PHC1: variants seen among roughly 807,000 people sequenced by gnomAD.
PHC1 encodes the protein polyhomeotic homolog 1, also known as polyhomeotic-like protein 1.
Under a neutral mutation model 104.3 loss-of-function variants are expected in PHC1, and 12 were observed. That is an observed-to-expected ratio of 0.12 (90% confidence interval 0.07 to 0.19). PHC1 has a LOEUF of 0.19. Ranked by LOEUF, PHC1 falls within the 10% of genes least tolerant of loss-of-function variation. The pLI, the probability that PHC1 is intolerant of heterozygous loss-of-function variation, is 1.00. For synonymous variants in PHC1, 302 were observed against 455.8 expected, an observed-to-expected ratio of 0.66 and a Z score of 4.30; for missense variants, 671 against 1,200.0, an observed-to-expected ratio of 0.56 and a Z score of 6.51.
intron 8 of PHC1, chr12:8,933,602 T>C (rs1945752260): frequency 1.6e-6 from 1 of 618,316 alleles, no homozygotes; most frequent in African/African-American, 1.8e-5. Context: ...ACCAAATCAG[T>C]CTTTGAAAAA....
intron 6 of PHC1, among the ~76,000 whole-genome samples, chr12:8,928,486 A>G (rs1200373056): frequency 6.6e-6 from 1 of 152,178 alleles, no homozygotes; most frequent in Non-Finnish European, 1.5e-5. Flanking sequence ...AGTTCCGTCT[A>G]CTGCCTTCCA....
At position 8,917,747 on chromosome 12, in the gene PHC1, C is replaced by T; in HGVS notation, c.70C>T (p.Pro24Ser). Reference sequence around the variant, plus strand: ...TTCTAGCTCAGGGGGCAGCTCTCGGCCCCAGATAGCTCAAATGTCACTTTA... The same window carrying T: ...TTCTAGCTCAGGGGGCAGCTCTCGGTCCCAGATAGCTCAAATGTCACTTTA... The part of the protein sequence containing the change: ...GSSSSGGSSR[P>S]QIAQMSLYER... Residue 24 changes from proline to serine, a missense_variant, in exon 2 of 15, where the codon CCC becomes TCC. Pro to Ser is a moderately conservative substitution (Grantham distance 74). Transcript: ENST00000544916. The T allele has an allele frequency of 6.3e-7, 1 of 1,578,898 alleles. No individual in the cohort carries two copies. Among genetic ancestry groups the T allele is most frequent in the South Asian group, 1.2e-5 (1 of 86,032 alleles).
rs1289621087 is a variant in PHC1 at position 8,935,584 on chromosome 12, G to A, written c.2368+346G>A. On this transcript the variant is annotated intron_variant, in intron 11 of 14. Coordinates refer to ENST00000544916, the MANE Select transcript of PHC1 (RefSeq NM_004426.3). ...GAGGTTGCAGTGAAGTGAGCTGCAC[G>A]CCACCGCACTCCAGCCTGGGCGACA... is the stretch of plus-strand genomic sequence containing the variant. 2.0e-5 allele frequency among the ~76,000 whole-genome samples: 3 copies of A among 151,944 alleles called. No homozygotes were observed. The East Asian group carries it at 5.9e-4, about 30-fold the overall frequency.
chr12:8,933,553 G>A (rs1332410882), intron 8 of PHC1: 7 of 747,774 alleles, frequency 9.4e-6, no homozygotes, highest in Non-Finnish European at 1.4e-5. Context: ...ACTATTCTGG[G>A]TTTTTGGGTA....
chr12:8,933,824 A>C lies in PHC1; in HGVS notation c.1894-41A>C, dbSNP rs768291882. ...TAATTGTGGTTCCTTATTATCCTTC[A>C]TTTGTACATCTTTGTTTCTTTCCTA... is the stretch of plus-strand genomic sequence containing the variant. On this transcript the variant is annotated intron_variant, in intron 8 of 14. Transcript: ENST00000544916. The C allele has an allele frequency of 3.2e-6, 5 of 1,561,216 alleles. No individual in the cohort carries two copies. In the East Asian group the frequency reaches 1.1e-4, roughly 35 times the overall value.
intron 1 of PHC1, among the ~76,000 whole-genome samples, chr12:8,917,150 A>G (rs373386287): frequency 7.9e-5 from 12 of 152,360 alleles, no homozygotes; most frequent in East Asian, 3.9e-4. Flanking sequence ...CAGCACTACT[A>G]TGAGAGAGAT....
chr12:8,937,820 C>G lies in PHC1; in HGVS notation c.2629-9C>G. 3.7e-6 allele frequency: 6 copies of G among 1,609,262 alleles called. No homozygotes were observed. The highest frequency in any genetic ancestry group is 1.3e-5 in the African/African-American group (1 of 74,954). Reference sequence around the variant, plus strand: ...ACTGACCTCATTGGTTTGCTCTTTTCCCCTATAGGGTCAAGAAGACTCTAG... The same window carrying G: ...ACTGACCTCATTGGTTTGCTCTTTTGCCCTATAGGGTCAAGAAGACTCTAG... On this transcript the variant is annotated splice_polypyrimidine_tract_variant and intron_variant, in intron 13 of 14. Coordinates refer to ENST00000544916, the MANE Select transcript of PHC1 (RefSeq NM_004426.3).
intron 11 of PHC1, 98 bp from the exon 12 acceptor site, chr12:8,936,749 TGGGGGTGAA>T: frequency 1.4e-6 from 1 of 735,010 alleles, no homozygotes; most frequent in Admixed American, 2.3e-5. Context: ...TGTAGGTTTT[TGGGGGTGAA>T]CCCTGAGAAT....
chr12:8,926,403 G>C (rs1194119679), intron 6 of PHC1, among the ~76,000 whole-genome samples: 2 of 152,116 alleles, frequency 1.3e-5, no homozygotes, highest in Non-Finnish European at 2.9e-5. Flanking sequence ...GATCACCTGA[G>C]ATCAGGAGTT....
chr12:8,916,328 T>A (rs1196113438), intron 1 of PHC1, among the ~76,000 whole-genome samples: 3 of 152,214 alleles, frequency 2.0e-5, no homozygotes, highest in African/African-American at 7.2e-5. Flanking sequence ...TTTGTTTGTT[T>A]TGGATGCAAT....
chr12:8,930,821 T>A lies in PHC1; in HGVS notation c.999T>A (p.Ser333Arg). The change falls in exon 7 of 15, where the codon AGT becomes AGA. Residue 333 changes from serine to arginine, a missense_variant. This residue lies in a region of PHC1 where 78 missense variants were observed against 140.8 expected (regional missense o/e 0.55). Transcript: ENST00000544916. ...VSQGSQTEAESAAAKKAEADG... is the reference protein window; with the variant it reads ...VSQGSQTEAERAAAKKAEADG... The stretch of plus-strand genomic sequence containing the variant: ...AGGGCAGCCAGACAGAGGCAGAAAG[T>A]GCAGCAGCCAAGAAGGCAGAAGCAG... 1.9e-6 allele frequency: 3 copies of A among 1,546,032 alleles called. No homozygotes were observed. The highest frequency in any genetic ancestry group is 2.6e-6 in the Non-Finnish European group (3 of 1,135,234).
chr12:8,933,053 TCGACAGCCAGGTACAGCC>T lies in PHC1; in HGVS notation c.1598_1615del (p.Arg533_Ala538del). Reference sequence around the variant, plus strand: ...ATATCCCTGTGCAAGTTGTAGGCACTCGACAGCCAGGTACAGCCCAGGCACAGGCTTTGGGGTTGGCAC... The same window carrying T: ...ATATCCCTGTGCAAGTTGTAGGCACTCAGGCACAGGCTTTGGGGTTGGCAC... On this transcript the variant is annotated inframe_deletion, in exon 8 of 15. Transcript: ENST00000544916. 1 of 685,780 alleles carries T rather than the reference TCGACAGCCAGGTACAGCC, an allele frequency of 1.5e-6. No individual in the cohort carries two copies. The highest frequency in any genetic ancestry group is 4.0e-4 in the Middle Eastern group (1 of 2,498). The allele number at this position is 685,780 out of a possible 1,614,324, so 42.5% of individuals were successfully genotyped here. A position where few individuals can be genotyped will look rare whatever the true frequency, so the allele number is the denominator to read the frequency against.
intron 11 of PHC1, among the ~76,000 whole-genome samples, chr12:8,935,558 G>C (rs947863604): frequency 6.6e-6 from 1 of 151,948 alleles, no homozygotes; most frequent in African/African-American, 2.4e-5. Context: ...CCTGGGAGGC[G>C]GAGGTTGCAG....
chr12:8,933,807 G>T (rs1945757615), intron 8 of PHC1, 58 bp from the exon 9 acceptor site: 3 of 1,439,156 alleles, frequency 2.1e-6, no homozygotes, highest in Non-Finnish European at 2.9e-6. Context: ...AATAATTGTG[G>T]TTCCTTATTA....
At chr12:8,929,730 G>A (rs1945628454) in intron 6 of PHC1, among the ~76,000 whole-genome samples, 1 of 152,076 alleles carries the variant, frequency 6.6e-6, no homozygotes, top group South Asian at 2.1e-4. Flanking sequence ...GTGTTGCCCA[G>A]GCTGTTCTCG....
chr12:8,936,239 GGGCATTGT>G, intron 11 of PHC1, among the ~76,000 whole-genome samples: 1 of 152,278 alleles, frequency 6.6e-6, no homozygotes, highest in East Asian at 1.9e-4. Flanking sequence ...AAAATTAACT[GGGCATTGT>G]GGCACATGCT....
rs747115123 is a variant in PHC1 at position 8,930,775 on chromosome 12, C to A, written c.953C>A (p.Ala318Asp). ...GGAGTGGTGCAGCCCTTGCCTGCAG[C>A]CCAAACAGTGACTGTGAGCCAGGGC... ...GTGVVQPLPAAQTVTVSQGSQ... is the reference protein window; with the variant it reads ...GTGVVQPLPADQTVTVSQGSQ... The change falls in exon 7 of 15, where the codon GCC (alanine) becomes GAC (aspartate). Residue 318 changes from alanine to aspartate, a missense_variant. Ala to Asp is a moderately radical substitution (Grantham distance 126). Coordinates refer to ENST00000544916, the MANE Select transcript of PHC1 (RefSeq NM_004426.3). 39 of 1,436,202 alleles carry A rather than the reference C, an allele frequency of 2.7e-5. No homozygotes were observed. Among genetic ancestry groups the A allele is most frequent in the Middle Eastern group, 1.9e-4 (1 of 5,396 alleles). The allele number at this position is 1,436,202 out of a possible 1,614,324, so 89.0% of individuals were successfully genotyped here. A position where few individuals can be genotyped will look rare whatever the true frequency, so the allele number is the denominator to read the frequency against.
intron 4 of PHC1, 110 bp downstream of exon 4, chr12:8,921,175 GT>G (rs1000040731): frequency 1.3e-6 from 1 of 753,814 alleles, no homozygotes; most frequent in African/African-American, 1.8e-5. Context: ...TCAGTGGATA[GT>G]TACTGCTTTT....
chr12:8,931,283 A>AT (rs759033525), intron 7 of PHC1, among the ~76,000 whole-genome samples: 117 of 152,326 alleles, frequency 7.7e-4, no homozygotes, highest in African/African-American at 2.7e-3. Flanking sequence ...ATTTTTGAAA[A>AT]GTAGATTCCC....
Sources: allele counts gnomAD v4.1 joint callset (sites outside exome capture counted in the v4.1 genomes callset), GRCh38; gene constraint gnomAD v4.1.1; regional missense constraint gnomAD v4.1.1; transcripts MANE v1.5; gene names NCBI Gene and HGNC (gene_info 2026-07-23, HGNC 2026-07-21).